CNTN1: variants seen among roughly 807,000 people sequenced by gnomAD.
CNTN1 encodes the protein contactin-1.
A neutral mutation model predicts 126.4 loss-of-function variants in CNTN1; 38 were observed. The observed-to-expected ratio is 0.30, with a 90% CI of 0.23 to 0.39. The LOEUF is 0.39. Ranked by LOEUF, CNTN1 falls within the 10% of genes least tolerant of loss-of-function variation. The pLI is 1.00. For missense variants in CNTN1, 1,009 were observed against 1,248.4 expected (o/e 0.81, Z 2.89); for synonymous variants, 413 against 422.6 (o/e 0.98, Z 0.28).
intron 1 of CNTN1, among the ~76,000 whole-genome samples, chr12:40,738,236 T>C (rs534611644): frequency 1.3e-5 from 2 of 152,150 alleles, no homozygotes; most frequent in South Asian, 2.1e-4. Context: ...CGGAAACTTA[T>C]ATTGATGTCA....
At chr12:40,921,885 T>C (rs1206430431) in intron 4 of CNTN1, among the ~76,000 whole-genome samples, 1 of 152,204 alleles carries the variant, frequency 6.6e-6, no homozygotes, top group African/African-American at 2.4e-5. Context: ...GAACAATGCT[T>C]TTAATACTTT....
chr12:40,906,684 G>T (rs111679497), intron 1 of CNTN1, among the ~76,000 whole-genome samples: 55,949 of 110,532 alleles, frequency 0.51, 15,588 homozygotes, highest in African/African-American at 0.54. Flanking sequence ...TTTTTGTTTT[G>T]TTTTTTTTGA....
At chr12:40,902,377 T>C (rs1213939928) in intron 1 of CNTN1, among the ~76,000 whole-genome samples, 1 of 152,178 alleles carries the variant, frequency 6.6e-6, no homozygotes, top group Non-Finnish European at 1.5e-5. Flanking sequence ...GTAGGAGATA[T>C]TGGTGTCTTT....
At chr12:40,925,864 A>ATATG (rs1565963400) in intron 6 of CNTN1, among the ~76,000 whole-genome samples, 1 of 143,114 alleles carries the variant, frequency 7.0e-6, no homozygotes, top group South Asian at 2.1e-4. Context: ...ATATATATAT[A>ATATG]TATGTATATA....
rs1396284241 is a variant in CNTN1 at position 40,933,678 on chromosome 12, T to C, written c.804-19T>C. On this transcript the variant is annotated intron_variant, in intron 8 of 23. Coordinates refer to ENST00000551295, the MANE Select transcript of CNTN1 (RefSeq NM_001843.4). ...TTTTAAGTGTGTGAAACTTTAACCC[T>C]TGTATCTTCTATTTAAAGTCCTGTT... The C allele has an allele frequency of 5.6e-6, 9 of 1,610,620 alleles. No homozygotes were observed. In the Admixed American group the frequency reaches 1.0e-4, roughly 18 times the overall value.
chr12:40,697,077 C>T (rs1941468863), intron 1 of CNTN1, among the ~76,000 whole-genome samples: 1 of 152,144 alleles, frequency 6.6e-6, no homozygotes, highest in Non-Finnish European at 1.5e-5. Flanking sequence ...TCGTCAAGAA[C>T]ATGAACCTTT....
Position 40,936,919 on chromosome 12 carries a change from A to G in CNTN1, c.1110+14A>G. 1 of 1,612,420 alleles carries G rather than the reference A, an allele frequency of 6.2e-7. No individual in the cohort carries two copies. ...AATGGATATGCGGTATGTATGTTCA[A>G]GTGCTTTGCTGTTCCTGAGTCCCTG... On this transcript the variant is annotated intron_variant, in intron 10 of 23. Transcript: ENST00000551295.
chr12:40,707,406 A>G (rs1378045569), intron 1 of CNTN1, among the ~76,000 whole-genome samples: 1 of 148,726 alleles, frequency 6.7e-6, no homozygotes, highest in Non-Finnish European at 1.5e-5. Flanking sequence ...CTGCCACCAC[A>G]CCCGGCTAAT....
chr12:40,846,055 A>G (rs1942487678), intron 1 of CNTN1, among the ~76,000 whole-genome samples: 1 of 152,214 alleles, frequency 6.6e-6, no homozygotes, highest in African/African-American at 2.4e-5. Flanking sequence ...ATCAGTTTAT[A>G]GGTGATAAAA....
chr12:40,693,297 T>A (rs1319880942), intron 1 of CNTN1, among the ~76,000 whole-genome samples: 7 of 152,224 alleles, frequency 4.6e-5, no homozygotes, highest in Admixed American at 4.6e-4. Context: ...TGGCGCTGTC[T>A]ACGGGAACCA....
At chr12:40,854,950 A>C (rs1942848511) in intron 1 of CNTN1, among the ~76,000 whole-genome samples, 1 of 152,106 alleles carries the variant, frequency 6.6e-6, no homozygotes, top group Non-Finnish European at 1.5e-5. Context: ...ATAGGGGAAC[A>C]GTGGCAATGT....
chr12:40,951,715 TA>T (rs71078286), intron 14 of CNTN1, among the ~76,000 whole-genome samples: 84 of 110,046 alleles, frequency 7.6e-4, no homozygotes, highest in South Asian at 4.6e-3. Flanking sequence ...TCTCAAAATT[TA>T]AAAAAAAAAA....
chr12:40,792,928 A>G (rs763129305), intron 1 of CNTN1, among the ~76,000 whole-genome samples: 2 of 152,150 alleles, frequency 1.3e-5, no homozygotes, highest in Non-Finnish European at 2.9e-5. Context: ...CCACAGGAAT[A>G]GCTCTGAAAA....
chr12:41,016,552 C>T, intron 18 of CNTN1, 130 bp from the exon 19 acceptor site: 2 of 683,046 alleles, frequency 2.9e-6, no homozygotes, highest in South Asian at 3.3e-5. Context: ...ACATTTGGAA[C>T]CAGCACTAAT....
intron 1 of CNTN1, among the ~76,000 whole-genome samples, chr12:40,768,556 G>A (rs1385145364): frequency 1.3e-5 from 2 of 152,216 alleles, no homozygotes; most frequent in African/African-American, 2.4e-5. Context: ...ACACTTTTTG[G>A]GTTATAACAA....
rs541057154 is a variant in CNTN1, at chr12:41,040,118, G to A, written c.2980+10899G>A. On this transcript the variant is annotated intron_variant, in intron 23 of 23. Coordinates refer to ENST00000551295, the MANE Select transcript of CNTN1 (RefSeq NM_001843.4). ...CCCTATAATGTCCAAGAAAGAAGAGGGTCTGTCTCTTTTGAAGCTTCATCT... is the reference window on the plus strand; with the variant it reads ...CCCTATAATGTCCAAGAAAGAAGAGAGTCTGTCTCTTTTGAAGCTTCATCT... 2.6e-5 allele frequency among the ~76,000 whole-genome samples: 4 copies of A among 152,162 alleles called. No homozygotes were observed. In the South Asian group the frequency reaches 6.2e-4, roughly 24 times the overall value.
intron 1 of CNTN1, among the ~76,000 whole-genome samples, chr12:40,752,359 A>G (rs1451980877): frequency 6.6e-6 from 1 of 152,110 alleles, no homozygotes; most frequent in East Asian, 1.9e-4. Flanking sequence ...ATCTCAAGAG[A>G]CTATAACCTT....
chr12:40,815,950 G>A (rs182029645), intron 1 of CNTN1, among the ~76,000 whole-genome samples: 17 of 152,224 alleles, frequency 1.1e-4, no homozygotes, highest in Admixed American at 1.0e-3. Context: ...GATGGATTAT[G>A]TTTATTGATT....
rs559704270 is a variant in CNTN1, at chr12:40,796,649, G to A, written c.-77+104057G>A. Among the ~76,000 whole-genome samples, 4 of 152,200 alleles carry A rather than the reference G, an allele frequency of 2.6e-5. No individual in the cohort carries two copies. In the South Asian group the frequency reaches 8.3e-4, roughly 32 times the overall value. On this transcript the variant is annotated intron_variant, in intron 1 of 23. Coordinates refer to ENST00000551295, the MANE Select transcript of CNTN1 (RefSeq NM_001843.4). Reference sequence around the variant, plus strand: ...TGAACTAGAATTAATAATGGTTAACGAATGTTCTGTCTTAGGCATCTTGCA... The same window carrying A: ...TGAACTAGAATTAATAATGGTTAACAAATGTTCTGTCTTAGGCATCTTGCA...
Sources: gnomAD v4.1 joint callset for allele counts (sites outside exome capture counted in the v4.1 genomes callset) on GRCh38, gnomAD v4.1.1 for gene constraint, MANE v1.5 for transcripts, NCBI Gene and HGNC (gene_info 2026-07-23, HGNC 2026-07-21) for gene names.